The following ZNF592 variants were observed in gnomAD, a reference collection of about 807,000 sequenced individuals.
ZNF592 encodes the protein spinocerebellar ataxia, autosomal recessive 5.
A neutral mutation model predicts 80.3 loss-of-function variants in ZNF592; 11 were observed. The ratio of observed to expected loss-of-function variants is 0.14; its 90% confidence interval spans 0.09 to 0.23. The LOEUF (loss-of-function observed/expected upper bound fraction) is 0.23. Ranked by LOEUF, ZNF592 falls within the 10% of genes least tolerant of loss-of-function variation. The pLI is 1.00. For missense variants in ZNF592, 1,420 were observed against 1,633.9 expected (o/e 0.87, Z 2.26); for synonymous variants, 646 against 640.3 (o/e 1.01, Z -0.13).
chr15:84,799,269 A>G lies in ZNF592; in HGVS notation c.3137+59A>G. The G allele has an allele frequency of 6.6e-7, 1 of 1,506,084 alleles. No individual in the cohort carries two copies. The highest frequency in any genetic ancestry group is 9.2e-7 in the Non-Finnish European group (1 of 1,081,606). 93.3% of individuals were successfully genotyped at this position (1,506,084 alleles called of 1,614,324 possible). A position where few individuals can be genotyped will look rare whatever the true frequency, so the allele number is the denominator to read the frequency against. ...AGGTTCAAAAGACTCTGTCCGTGGC[A>G]CCACTGGGGCTTTTCTGTGCTGCAA... On this transcript the variant is annotated intron_variant, in intron 9 of 10. Transcript: ENST00000560079. The surrounding 1 kb of genome is among the most constrained non-coding windows in gnomAD (Gnocchi z 4.2).
intron 5 of ZNF592, among the ~76,000 whole-genome samples, chr15:84,796,286 TATATATATAAAA>T (rs1567076408): frequency 3.8e-4 from 20 of 52,868 alleles, no homozygotes; most frequent in African/African-American, 1.6e-3. Context: ...TATATATATA[TATATATATAAAA>T]AAACGAAGGG....
chr15:84,760,341 C>T (rs1899313392), intron 1 of ZNF592, among the ~76,000 whole-genome samples: 1 of 152,204 alleles, frequency 6.6e-6, no homozygotes, highest in Non-Finnish European at 1.5e-5. Context: ...AAAACCTCTT[C>T]TCCCCCATAT....
intron 2 of ZNF592, among the ~76,000 whole-genome samples, chr15:84,771,501 A>G (rs1899700742): frequency 6.6e-6 from 1 of 152,122 alleles, no homozygotes; most frequent in African/African-American, 2.4e-5. Flanking sequence ...TATCCTGGCA[A>G]GTGGCTGGAG....
At chr15:84,766,523 C>T (rs939150057) in intron 2 of ZNF592, among the ~76,000 whole-genome samples, 2 of 151,910 alleles carry the variant, frequency 1.3e-5, no homozygotes, top group Admixed American at 1.3e-4. Context: ...TGAAAGAGCA[C>T]ACCCAGATCT....
At chr15:84,766,486 G>A (rs941256507) in intron 2 of ZNF592, among the ~76,000 whole-genome samples, 3 of 152,104 alleles carry the variant, frequency 2.0e-5, no homozygotes, top group African/African-American at 7.2e-5. Flanking sequence ...CTGAAGGCTG[G>A]CTTCCCTCAG....
At position 84,801,967 on chromosome 15, in the gene ZNF592, C is replaced by G; in HGVS notation, c.3378C>G (p.Cys1126Trp). The G allele has an allele frequency of 6.2e-7, 1 of 1,613,972 alleles. No individual in the cohort carries two copies. The highest frequency in any genetic ancestry group is 8.5e-7 in the Non-Finnish European group (1 of 1,179,878). ...STKRHKSLFQ[C>W]AKCSFATDSG... ...AAAGGCACAAGTCCCTTTTTCAGTG[C>G]GCGAAATGTAGTTTTGCCACAGACT... The change falls in exon 11 of 11, where the codon TGC (cysteine) becomes TGG (tryptophan). Residue 1126 changes from cysteine to tryptophan, a missense_variant. Cys to Trp is a radical substitution (Grantham distance 215). Coordinates refer to ENST00000560079, the MANE Select transcript of ZNF592 (RefSeq NM_014630.3).
intron 4 of ZNF592, among the ~76,000 whole-genome samples, chr15:84,790,373 T>G (rs1006543983): frequency 1.3e-5 from 2 of 152,004 alleles, no homozygotes; most frequent in African/African-American, 4.8e-5. Flanking sequence ...GTCTTAGAAT[T>G]CAAGATGTGC....
chr15:84,769,657 G>A (rs1433934818), intron 2 of ZNF592, among the ~76,000 whole-genome samples: 2 of 152,130 alleles, frequency 1.3e-5, no homozygotes, highest in Admixed American at 6.5e-5. Context: ...CATCCCGGCT[G>A]TGGAGGCTGT....
intron 1 of ZNF592, among the ~76,000 whole-genome samples, chr15:84,764,466 G>A (rs541124085): frequency 1.3e-3 from 193 of 152,262 alleles, no homozygotes; most frequent in African/African-American, 3.3e-3. Flanking sequence ...ATTTGAACCC[G>A]GATGGAGTCT....
intron 1 of ZNF592, among the ~76,000 whole-genome samples, chr15:84,758,447 AATTTTTTTGT>A (rs953663846): frequency 4.0e-5 from 6 of 149,636 alleles, no homozygotes; most frequent in Admixed American, 2.0e-4. Context: ...CACACCAACT[AATTTTTTTGT>A]ATTTTTTTGT....
intron 2 of ZNF592, among the ~76,000 whole-genome samples, chr15:84,765,770 C>G (rs1899498121): frequency 6.6e-6 from 1 of 151,946 alleles, no homozygotes; most frequent in African/African-American, 2.4e-5. Flanking sequence ...ATCTCTTGAC[C>G]TGTGATCTGC....
chr15:84,799,004 ATCC>A lies in ZNF592; in HGVS notation c.3025-89_3025-87del. ...CACAGATCTTGAGGTCTTCGGGAGT[ATCC>A]TCCTTTCTGCCCATGGCATCTGAGA... is the stretch of plus-strand genomic sequence containing the variant. On this transcript the variant is annotated intron_variant, in intron 8 of 10. Coordinates refer to ENST00000560079, the MANE Select transcript of ZNF592 (RefSeq NM_014630.3). This position sits in a 1 kb window ranked among gnomAD's most constrained non-coding sequence, Gnocchi z 4.2. 1 of 1,590,580 alleles carries A rather than the reference ATCC, an allele frequency of 6.3e-7. No homozygotes were observed. The highest frequency in any genetic ancestry group is 8.6e-7 in the Non-Finnish European group (1 of 1,159,528).
rs995969490 is a variant in ZNF592, at chr15:84,768,230, CTTTTTTTT to C, written c.-150+3428_-150+3435del. On this transcript the variant is annotated intron_variant, in intron 2 of 10. Coordinates refer to ENST00000560079, the MANE Select transcript of ZNF592 (RefSeq NM_014630.3). Reference sequence around the variant, plus strand: ...TTTCCTTTTCTTTCTTTCTTTCTTTCTTTTTTTTTTTTTTTTTTTTGAGACAGTTGTGC... The same window carrying C: ...TTTCCTTTTCTTTCTTTCTTTCTTTCTTTTTTTTTTTTGAGACAGTTGTGC... Among the ~76,000 whole-genome samples the C allele has an allele frequency of 5.7e-5, 7 of 122,340 alleles. No homozygotes were observed. In the Admixed American group the frequency reaches 5.8e-4, roughly 10 times the overall value. The allele number at this position is 122,340 out of a possible 152,430, so 80.3% of individuals were successfully genotyped here.
Position 84,798,554 on chromosome 15 carries a change from T to C in ZNF592, c.2737-34T>C. On this transcript the variant is annotated intron_variant, in intron 7 of 10. Coordinates refer to ENST00000560079, the MANE Select transcript of ZNF592 (RefSeq NM_014630.3). This position sits in a 1 kb window ranked among gnomAD's most constrained non-coding sequence, Gnocchi z 4.5. ...GGTCTGACTCTGTGCATCTTTCCCCTTGCCCAGTCAGTAATCGCTCTCCCC... is the reference window on the plus strand; with the variant it reads ...GGTCTGACTCTGTGCATCTTTCCCCCTGCCCAGTCAGTAATCGCTCTCCCC... 1.9e-6 allele frequency: 3 copies of C among 1,614,018 alleles called. No homozygotes were observed. Among genetic ancestry groups the C allele is most frequent in the African/African-American group, 1.3e-5 (1 of 75,038 alleles).
Position 84,761,278 on chromosome 15 carries a change from G to T in ZNF592, c.-258-3429G>T, listed in dbSNP as rs1036527653. Among the ~76,000 whole-genome samples the T allele has an allele frequency of 2.6e-5, 4 of 152,266 alleles. No homozygotes were observed. In the East Asian group the frequency reaches 5.8e-4, roughly 22 times the overall value. ...ACCATGCCCGGCCCAGGGAGTTTTT[G>T]AGCAGAGTAAGTGACCTGATAAAAA... On this transcript the variant is annotated intron_variant, in intron 1 of 10. Coordinates refer to ENST00000560079, the MANE Select transcript of ZNF592 (RefSeq NM_014630.3).
In ZNF592 at chr15:84,801,924, C is replaced by T; in HGVS notation, c.3335C>T (p.Ala1112Val). ...VGDAPGTSNG[A>V]TVSSTKRHKS... ...GACGCTCCAGGCACCAGCAATGGCGCAACTGTCTCTTCCACCAAAAGGCAC... is the reference window on the plus strand; with the variant it reads ...GACGCTCCAGGCACCAGCAATGGCGTAACTGTCTCTTCCACCAAAAGGCAC... Residue 1112 changes from alanine to valine, a missense_variant, in exon 11 of 11, where the codon GCA becomes GTA. Physicochemically the swap from Ala to Val is moderately conservative, Grantham distance 64 (BLOSUM62 0). Transcript: ENST00000560079. The T allele has an allele frequency of 6.2e-7, 1 of 1,613,914 alleles. No individual in the cohort carries two copies. Among genetic ancestry groups the T allele is most frequent in the Non-Finnish European group, 8.5e-7 (1 of 1,179,842 alleles).
At chr15:84,776,932 A>G (rs1246441044) in intron 2 of ZNF592, among the ~76,000 whole-genome samples, 1 of 151,884 alleles carries the variant, frequency 6.6e-6, no homozygotes, top group Non-Finnish European at 1.5e-5. Context: ...CGTGCCTATA[A>G]TCCCAGCTAC....
At chr15:84,770,027 C>T (rs1184591667) in intron 2 of ZNF592, among the ~76,000 whole-genome samples, 9 of 152,184 alleles carry the variant, frequency 5.9e-5, no homozygotes, top group African/African-American at 1.7e-4. Flanking sequence ...GATCAGTTGG[C>T]AGGCTTTTGT....
At chr15:84,801,412 A>C (rs1963092221) in intron 10 of ZNF592, among the ~76,000 whole-genome samples, 1 of 152,188 alleles carries the variant, frequency 6.6e-6, no homozygotes, top group South Asian at 2.1e-4. Flanking sequence ...AGGTGGGAGG[A>C]TCGCTTAAGC....
Sources: gnomAD v4.1 joint callset for allele counts (sites outside exome capture counted in the v4.1 genomes callset) on GRCh38, gnomAD v4.1.1 for gene constraint, Gnocchi (gnomAD v3.1) non-coding constraint, MANE v1.5 for transcripts, NCBI Gene and HGNC (gene_info 2026-07-23, HGNC 2026-07-21) for gene names.